The following OSBPL11 variants were observed in gnomAD, a reference collection of about 807,000 sequenced individuals.
The protein encoded by OSBPL11 is oxysterol binding protein like 11.
In OSBPL11, 33 loss-of-function variants were observed where a neutral mutation model predicts 84.4. The observed-to-expected ratio is 0.39, with a 90% CI of 0.30 to 0.52. OSBPL11 has a LOEUF of 0.52. Among genes scored for constraint, OSBPL11 ranks in the 20% least tolerant of loss-of-function variants. The probability of loss-of-function intolerance (pLI) is 0.72; values close to 1 mark genes in which losing one functional copy is unlikely to be tolerated. For missense variants in OSBPL11, 736 were observed against 901.1 expected (o/e 0.82, Z 2.35); for synonymous variants, 276 against 310.2 (o/e 0.89, Z 1.16).
At chr3:125,551,657 A>G (rs1014468985) in intron 9 of OSBPL11, among the ~76,000 whole-genome samples, 2 of 151,816 alleles carry the variant, frequency 1.3e-5, no homozygotes, top group African/African-American at 4.9e-5. Flanking sequence ...CAGGCGCCAT[A>G]ATCCCAGCTA....
chr3:125,576,137 A>G, intron 5 of OSBPL11, 52 bp downstream of exon 5: 1 of 1,519,780 alleles, frequency 6.6e-7, no homozygotes, highest in Admixed American at 2.0e-5. Flanking sequence ...TGACAAAACC[A>G]AGCAGGTAAA....
chr3:125,537,792 T>C (rs1277846150), intron 11 of OSBPL11, among the ~76,000 whole-genome samples: 1 of 152,178 alleles, frequency 6.6e-6, no homozygotes, highest in Non-Finnish European at 1.5e-5. Context: ...CAGATCCCAG[T>C]ACTCTTTTCC....
chr3:125,552,805 T>A, intron 8 of OSBPL11, 126 bp from the exon 9 acceptor site: 4 of 1,159,332 alleles, frequency 3.5e-6, no homozygotes, highest in Non-Finnish European at 3.6e-6. Context: ...AAAGAAAAAG[T>A]ATTCAGTCAC....
chr3:125,585,277 C>T (rs1488679882), intron 1 of OSBPL11, among the ~76,000 whole-genome samples: 1 of 152,066 alleles, frequency 6.6e-6, no homozygotes. Context: ...ACTACAGGCA[C>T]CTGCTACCAT....
intron 1 of OSBPL11, among the ~76,000 whole-genome samples, chr3:125,590,828 T>G (rs79502396): frequency 6.6e-6 from 1 of 152,202 alleles, no homozygotes; most frequent in Non-Finnish European, 1.5e-5. Flanking sequence ...AATTATTCAT[T>G]CCTTTTAGAG....
In OSBPL11 at chr3:125,555,691, C is replaced by CT. The variant is rs927957323; in HGVS notation, c.1156-3013dup. On this transcript the variant is annotated intron_variant, in intron 8 of 12. Transcript: ENST00000296220. Reference sequence around the variant, plus strand: ...GAACCCTGCAGCACGGAGATATTATCTTTTTTTTTTTGAGATGGAGTCTCG... The same window carrying CT: ...GAACCCTGCAGCACGGAGATATTATCTTTTTTTTTTTTGAGATGGAGTCTCG... Among the ~76,000 whole-genome samples, 272 of 147,708 alleles carry CT rather than the reference C, an allele frequency of 1.8e-3. 4 individuals are homozygous for CT. Among genetic ancestry groups the CT allele is most frequent in the Admixed American group, 9.5e-4 (14 of 14,738 alleles).
chr3:125,564,287 C>G (rs1398984083), intron 6 of OSBPL11, among the ~76,000 whole-genome samples: 1 of 152,242 alleles, frequency 6.6e-6, no homozygotes, highest in Non-Finnish European at 1.5e-5. Flanking sequence ...CAACAATTGT[C>G]TAACCAATCA....
intron 4 of OSBPL11, among the ~76,000 whole-genome samples, chr3:125,576,682 T>A (rs1936329450): frequency 1.6e-5 from 2 of 126,952 alleles, no homozygotes; most frequent in South Asian, 4.6e-4. Context: ...ACACCATGAA[T>A]TTTTTTTTTT....
Position 125,552,568 on chromosome 3 carries a change from C to G in OSBPL11, c.1267G>C (p.Asp423His). The change falls in exon 9 of 13, where the codon GAC (aspartate) becomes CAC (histidine). Residue 423 changes from aspartate (D) to histidine (H), a missense_variant. Coordinates refer to ENST00000296220, the MANE Select transcript of OSBPL11 (RefSeq NM_022776.5). ...TACTCAACAAAGCGAATCATTCTGT[C>G]CTCAGCTGTGGCTCCATTAGTGATG... Reference protein sequence around the residue: ...IAITNGATAEDRMIRFVEYYL... With the variant: ...IAITNGATAEHRMIRFVEYYL... 6.2e-7 allele frequency: 1 copy of G among 1,614,208 alleles called. No individual in the cohort carries two copies. The highest frequency in any genetic ancestry group is 8.5e-7 in the Non-Finnish European group (1 of 1,180,032).
intron 9 of OSBPL11, among the ~76,000 whole-genome samples, chr3:125,551,164 TAAAAA>T (rs1250361844): frequency 4.3e-5 from 4 of 94,052 alleles, no homozygotes; most frequent in African/African-American, 1.7e-4. Flanking sequence ...ACCCTGTTTC[TAAAAA>T]AAAAAAAAAA....
At chr3:125,550,639 C>A (rs947680546) in intron 9 of OSBPL11, among the ~76,000 whole-genome samples, 1 of 152,166 alleles carries the variant, frequency 6.6e-6, no homozygotes, top group Admixed American at 6.5e-5. Context: ...GTGTTCTTTG[C>A]ATAAGAGTTT....
Position 125,563,703 on chromosome 3 carries a change from C to T in OSBPL11, c.1009G>A (p.Ala337Thr), listed in dbSNP as rs146042429. Reference protein sequence around the residue: ...EQPVAESGLLAREPEEINADD... With the variant: ...EQPVAESGLLTREPEEINADD... ...ATATTTTTATATTACCTTACCCTCG[C>T]TAATAGTCCAGATTCTGCAACAGGC... Residue 337 changes from alanine (A) to threonine (T), a missense_variant, in exon 7 of 13, where the codon GCG becomes ACG. This residue lies in a region of OSBPL11 where 579 missense variants were observed against 717.6 expected (regional missense o/e 0.81). Transcript: ENST00000296220. 3 of 1,613,964 alleles carry T rather than the reference C, an allele frequency of 1.9e-6. No homozygotes were observed. The African/African-American group carries it at 4.0e-5, about 22-fold the overall frequency.
intron 10 of OSBPL11, among the ~76,000 whole-genome samples, chr3:125,544,008 C>T (rs1244743265): frequency 6.6e-6 from 1 of 152,022 alleles, no homozygotes; most frequent in Non-Finnish European, 1.5e-5. Flanking sequence ...GATGAAAACA[C>T]TTCAAATAAA....
chr3:125,551,203 A>T (rs920616782), intron 9 of OSBPL11, among the ~76,000 whole-genome samples: 3 of 146,680 alleles, frequency 2.0e-5, no homozygotes, highest in South Asian at 2.1e-4. Flanking sequence ...AAATTAAATT[A>T]AAAAAAAGGA....
chr3:125,546,349 T>G (rs1219893072), intron 10 of OSBPL11, among the ~76,000 whole-genome samples: 1 of 151,810 alleles, frequency 6.6e-6, no homozygotes, highest in Non-Finnish European at 1.5e-5. Flanking sequence ...TCTTTTTTTT[T>G]TGAGACGGAG....
Position 125,547,572 on chromosome 3 carries a change from G to T in OSBPL11, c.1675C>A (p.His559Asn). ...VGEGILSLLEHGEEYTFSLPC... is the reference protein window; with the variant it reads ...VGEGILSLLENGEEYTFSLPC... ...AGAGAAAATGTGTACTCTTCTCCATGCTCCAACAGACTAAGGATACCTGAA... is the reference window on the plus strand; with the variant it reads ...AGAGAAAATGTGTACTCTTCTCCATTCTCCAACAGACTAAGGATACCTGAA... Residue 559 changes from histidine to asparagine, a missense_variant, in exon 10 of 13, where the codon CAT (histidine) becomes AAT (asparagine). By Grantham distance (68) the His-to-Asn change is moderately conservative. Coordinates refer to ENST00000296220, the MANE Select transcript of OSBPL11 (RefSeq NM_022776.5). 1 of 1,609,300 alleles carries T rather than the reference G, an allele frequency of 6.2e-7. No individual in the cohort carries two copies. The highest frequency in any genetic ancestry group is 8.5e-7 in the Non-Finnish European group (1 of 1,177,690).
At position 125,557,591 on chromosome 3, in the gene OSBPL11, T is replaced by C. The variant is rs373539781; in HGVS notation, c.1155+2788A>G. Reference sequence around the variant, plus strand: ...CGGGGTTTCACCATGTTGGCCAGGCTGGTCTCCAACTCCTGACTTCAAGTG... The same window carrying C: ...CGGGGTTTCACCATGTTGGCCAGGCCGGTCTCCAACTCCTGACTTCAAGTG... On this transcript the variant is annotated intron_variant, in intron 8 of 12. Transcript: ENST00000296220. 2.6e-5 allele frequency among the ~76,000 whole-genome samples: 4 copies of C among 151,978 alleles called. No homozygotes were observed. In the East Asian group the frequency reaches 5.8e-4, roughly 22 times the overall value.
At chr3:125,585,232 G>T (rs1230257348) in intron 1 of OSBPL11, among the ~76,000 whole-genome samples, 4 of 152,114 alleles carry the variant, frequency 2.6e-5, no homozygotes, top group African/African-American at 9.7e-5. Flanking sequence ...TGGGGCTCAT[G>T]CGATTTTTCT....
chr3:125,566,909 A>G (rs555586578), intron 6 of OSBPL11, among the ~76,000 whole-genome samples: 2 of 152,146 alleles, frequency 1.3e-5, no homozygotes, highest in South Asian at 4.2e-4. Flanking sequence ...CAGCCTCCCA[A>G]GTAGCTGAGA....
Sources: gnomAD v4.1 joint callset for allele counts (sites outside exome capture counted in the v4.1 genomes callset) on GRCh38, gnomAD v4.1.1 for gene constraint, gnomAD v4.1.1 regional missense constraint, MANE v1.5 for transcripts, NCBI Gene and HGNC (gene_info 2026-07-23, HGNC 2026-07-21) for gene names.